Variants in PPM1L observed in about 807,000 individuals in gnomAD.
The protein encoded by PPM1L is protein phosphatase, Mg2+/Mn2+ dependent 1L.
A neutral mutation model predicts 31.4 loss-of-function variants in PPM1L; 13 were observed. The ratio of observed to expected loss-of-function variants is 0.41; its 90% CI spans 0.27 to 0.66. The LOEUF (loss-of-function observed/expected upper bound fraction) is 0.66. Among genes scored for constraint, PPM1L ranks in the 30% least tolerant of loss-of-function variants. The pLI, the probability that PPM1L is intolerant of heterozygous loss-of-function variation, is 0.29. For synonymous variants in PPM1L, 184 were observed against 175.4 expected, an observed-to-expected ratio of 1.05 and a Z score of -0.39; for missense variants, 326 against 453.7, an observed-to-expected ratio of 0.72 and a Z score of 2.56.
chr3:160,948,864 A>C (rs1715489991), intron 1 of PPM1L, among the ~76,000 whole-genome samples: 2 of 152,184 alleles, frequency 1.3e-5, no homozygotes, highest in Admixed American at 1.3e-4. Flanking sequence ...CTAGATGTAC[A>C]TCAGAATTTG....
intron 1 of PPM1L, among the ~76,000 whole-genome samples, chr3:160,793,814 T>C (rs1397390178): frequency 2.0e-5 from 3 of 152,164 alleles, no homozygotes; most frequent in Admixed American, 6.5e-5. Context: ...AGTTCTCCTC[T>C]AGGTTATCAA....
chr3:160,919,066 A>G (rs1036123982), intron 1 of PPM1L, among the ~76,000 whole-genome samples: 13 of 152,236 alleles, frequency 8.5e-5, no homozygotes, highest in African/African-American at 2.4e-4. Context: ...ATCTCCTCAG[A>G]CTGGGATAAT....
intron 2 of PPM1L, among the ~76,000 whole-genome samples, chr3:160,990,917 T>C (rs995515877): frequency 1.3e-5 from 2 of 152,132 alleles, no homozygotes; most frequent in Admixed American, 6.6e-5. Flanking sequence ...CACAGTTATT[T>C]TGACAACCAA....
chr3:160,796,643 C>T lies in PPM1L; in HGVS notation c.399+39936C>T, dbSNP rs1001768506. ...ATCTCTGGGAAGCAGAGGAGCATGA[C>T]GAAGGGCTTGAACTTTGGAGTAAGA... On this transcript the variant is annotated intron_variant, in intron 1 of 3. Transcript: ENST00000498165. Among the ~76,000 whole-genome samples the T allele has an allele frequency of 3.3e-5, 5 of 152,110 alleles. No individual in the cohort carries two copies. The East Asian group carries it at 5.8e-4, about 18-fold the overall frequency.
At chr3:160,760,097 A>C (rs1372176772) in intron 1 of PPM1L, among the ~76,000 whole-genome samples, 2 of 152,192 alleles carry the variant, frequency 1.3e-5, no homozygotes, top group Non-Finnish European at 2.9e-5. Context: ...TAGTGCAGGG[A>C]TAATTTATTA....
chr3:160,974,097 C>A (rs1716464443), intron 2 of PPM1L, among the ~76,000 whole-genome samples: 2 of 140,406 alleles, frequency 1.4e-5, no homozygotes, highest in African/African-American at 5.3e-5. Context: ...GTTCAATTCC[C>A]ACCTATGAGT....
At chr3:160,862,199 T>C (rs1404333496) in intron 1 of PPM1L, among the ~76,000 whole-genome samples, 1 of 152,120 alleles carries the variant, frequency 6.6e-6, no homozygotes, top group African/African-American at 2.4e-5. Flanking sequence ...CAAAATTACT[T>C]TTAGTATTTT....
chr3:160,915,756 A>C (rs1046864011), intron 1 of PPM1L, among the ~76,000 whole-genome samples: 1 of 152,218 alleles, frequency 6.6e-6, no homozygotes, highest in Non-Finnish European at 1.5e-5. Context: ...ATAATGCTGC[A>C]TATCTACAAC....
At chr3:160,845,344 T>C (rs1714043459) in intron 1 of PPM1L, among the ~76,000 whole-genome samples, 1 of 152,112 alleles carries the variant, frequency 6.6e-6, no homozygotes, top group South Asian at 2.1e-4. Context: ...TTTGTTTTAA[T>C]CTTTTTATCA....
intron 2 of PPM1L, among the ~76,000 whole-genome samples, chr3:161,053,563 A>G (rs139861409): frequency 4.6e-5 from 7 of 152,362 alleles, no homozygotes; most frequent in African/African-American, 1.7e-4. Flanking sequence ...ATTCATGAGA[A>G]TCAGATGACA....
chr3:160,854,039 T>G (rs1711601538), intron 1 of PPM1L, among the ~76,000 whole-genome samples: 1 of 152,224 alleles, frequency 6.6e-6, no homozygotes, highest in South Asian at 2.1e-4. Flanking sequence ...ACCCAGCTAC[T>G]AAAGTTTACT....
chr3:160,817,473 A>G (rs530965756), intron 1 of PPM1L, among the ~76,000 whole-genome samples: 3 of 152,226 alleles, frequency 2.0e-5, no homozygotes, highest in East Asian at 1.9e-4. Context: ...TTGGATGTAT[A>G]TGATTACCAA....
chr3:160,851,550 TAAAC>T (rs1212168011), intron 1 of PPM1L, among the ~76,000 whole-genome samples: 5 of 152,224 alleles, frequency 3.3e-5, no homozygotes, highest in Non-Finnish European at 7.3e-5. Context: ...GTAGAGAAAG[TAAAC>T]ATTTCATCTT....
intron 1 of PPM1L, among the ~76,000 whole-genome samples, chr3:160,928,707 T>G (rs927019518): frequency 1.3e-5 from 2 of 152,082 alleles, no homozygotes; most frequent in African/African-American, 4.8e-5. Flanking sequence ...CTAGTGACCT[T>G]ATAAGAGGGC....
chr3:160,898,028 G>T (rs1001504717), intron 1 of PPM1L, among the ~76,000 whole-genome samples: 2 of 151,954 alleles, frequency 1.3e-5, no homozygotes, highest in African/African-American at 2.4e-5. Context: ...GAAACTAAAT[G>T]AAAGATTTTT....
At chr3:160,922,118 G>T (rs577529720) in intron 1 of PPM1L, among the ~76,000 whole-genome samples, 3 of 152,060 alleles carry the variant, frequency 2.0e-5, no homozygotes, top group Non-Finnish European at 4.4e-5. Context: ...AGACCATCCT[G>T]GCTAACACGG....
chr3:160,891,427 A>C (rs976396605), intron 1 of PPM1L, among the ~76,000 whole-genome samples: 4 of 152,226 alleles, frequency 2.6e-5, no homozygotes, highest in Admixed American at 6.5e-5. Flanking sequence ...AGAGAAATGC[A>C]AATCAAAACC....
chr3:160,810,151 C>T (rs889610419), intron 1 of PPM1L, among the ~76,000 whole-genome samples: 3 of 151,924 alleles, frequency 2.0e-5, no homozygotes, highest in East Asian at 1.9e-4. Context: ...TGCTTGACTG[C>T]ACCTCTATAA....
rs188255259 is a variant in PPM1L at position 160,764,227 on chromosome 3, G to C, written c.399+7520G>C. On this transcript the variant is annotated intron_variant, in intron 1 of 3. Coordinates refer to ENST00000498165, the MANE Select transcript of PPM1L (RefSeq NM_139245.4). ...GCTTACTACAGCCACAAACTCCTGG[G>C]CTCAGATGATCTTCCTGCCTCAGCC... Among the ~76,000 whole-genome samples the C allele has an allele frequency of 3.7e-3, 562 of 152,208 alleles. 7 individuals are homozygous for C. The highest frequency in any genetic ancestry group is 0.013 in the African/African-American group (539 of 41,548).
Sources: gnomAD v4.1 joint callset for allele counts (sites outside exome capture counted in the v4.1 genomes callset) on GRCh38, gnomAD v4.1.1 for gene constraint, MANE v1.5 for transcripts, NCBI Gene and HGNC (gene_info 2026-07-23, HGNC 2026-07-21) for gene names.